CDC42BPB: variants seen among roughly 807,000 people sequenced by gnomAD.
CDC42BPB encodes serine/threonine-protein kinase MRCK beta.
A neutral mutation model predicts 214.9 loss-of-function variants in CDC42BPB; 37 were observed. The observed-to-expected ratio is 0.17, with a 90% CI of 0.13 to 0.23. CDC42BPB has a LOEUF of 0.23. Among genes scored for constraint, CDC42BPB ranks in the 10% least tolerant of loss-of-function variants. CDC42BPB has a pLI of 1.00. For synonymous variants in CDC42BPB, 931 were observed against 884.0 expected (o/e 1.05, Z -0.94); for missense variants, 1,694 against 2,227.0 (o/e 0.76, Z 4.82).
chr14:103,002,133 T>C (rs1483975613), intron 4 of CDC42BPB, among the ~76,000 whole-genome samples: 1 of 152,110 alleles, frequency 6.6e-6, no homozygotes, highest in Non-Finnish European at 1.5e-5. Flanking sequence ...CACGTTTCCA[T>C]ATCGCTATGA....
intron 21 of CDC42BPB, among the ~76,000 whole-genome samples, chr14:102,959,124 C>T (rs370145639): frequency 1.3e-5 from 2 of 151,856 alleles, no homozygotes; most frequent in African/African-American, 2.4e-5. Context: ...TGGTGAAACC[C>T]TGTCTCTACT....
intron 19 of CDC42BPB, 96 bp from the exon 20 acceptor site, chr14:102,963,251 C>G: frequency 6.7e-7 from 1 of 1,494,322 alleles, no homozygotes; most frequent in South Asian, 1.3e-5. Context: ...GGATTTCTCC[C>G]CAGCACTCAG....
intron 1 of CDC42BPB, among the ~76,000 whole-genome samples, chr14:103,023,074 G>A (rs1300338419): frequency 2.0e-5 from 3 of 150,708 alleles, no homozygotes; most frequent in Admixed American, 6.6e-5. Flanking sequence ...GCGTGATCAC[G>A]GCTCACTCCC....
At chr14:102,992,539 A>G (rs1894541896) in intron 5 of CDC42BPB, among the ~76,000 whole-genome samples, 1 of 152,222 alleles carries the variant, frequency 6.6e-6, no homozygotes, top group African/African-American at 2.4e-5. Context: ...CTGCGCTGAC[A>G]GCACAGTGAC....
intron 1 of CDC42BPB, among the ~76,000 whole-genome samples, chr14:103,044,800 C>T (rs982164606): frequency 1.8e-4 from 27 of 151,876 alleles, no homozygotes; most frequent in Admixed American, 5.9e-4. Context: ...CGTGAGCCAC[C>T]GTGCCCGGCC....
chr14:102,999,436 G>T, intron 5 of CDC42BPB, 129 bp downstream of exon 5: 1 of 808,818 alleles, frequency 1.2e-6, no homozygotes. Flanking sequence ...ATCAGTCTGT[G>T]CTGCGGCAGC....
chr14:103,042,862 T>C (rs564648190), intron 1 of CDC42BPB, among the ~76,000 whole-genome samples: 67 of 152,282 alleles, frequency 4.4e-4, no homozygotes, highest in Non-Finnish European at 7.9e-4. Flanking sequence ...GAAAACAACC[T>C]GGCAGTTCCT....
intron 36 of CDC42BPB, among the ~76,000 whole-genome samples, chr14:102,935,764 CAAA>C (rs55833197): frequency 8.0e-5 from 6 of 74,558 alleles, no homozygotes; most frequent in Admixed American, 1.5e-4. Context: ...CACTCTGTCT[CAAA>C]AAAAAAAAAA....
In CDC42BPB at chr14:102,983,754, C is replaced by T. The variant is rs769978580; in HGVS notation, c.693G>A (p.Val231=). 2.5e-6 allele frequency: 4 copies of T among 1,612,266 alleles called. No homozygotes were observed. The highest frequency in any genetic ancestry group is 3.4e-6 in the Non-Finnish European group (4 of 1,179,980). ...SCLKMNDDGT[V]QSSVAVGTPD... Reference sequence around the variant, plus strand: ...GTGTGCCCACGGCCACGGAGGACTGCACCTTAGGGGAGAAGGAGGTGCTGA... The same window carrying T: ...GTGTGCCCACGGCCACGGAGGACTGTACCTTAGGGGAGAAGGAGGTGCTGA... The change falls in exon 7 of 37, where the codon GTG becomes GTA. Residue 231 remains valine, a splice_region_variant and synonymous_variant. Coordinates refer to ENST00000361246, the MANE Select transcript of CDC42BPB (RefSeq NM_006035.4).
At chr14:102,976,764 G>C (rs1893764934) in intron 9 of CDC42BPB, among the ~76,000 whole-genome samples, 1 of 152,208 alleles carries the variant, frequency 6.6e-6, no homozygotes. Flanking sequence ...GTGGTCTGAG[G>C]GTGCTGGGCT....
chr14:102,952,631 G>A, intron 23 of CDC42BPB, 28 bp from the exon 24 acceptor site: 1 of 1,602,444 alleles, frequency 6.2e-7, no homozygotes, highest in South Asian at 1.1e-5. Flanking sequence ...AGAACACTGA[G>A]GTGAACCATG....
rs1895142087 is a variant in CDC42BPB, at chr14:103,004,507, G to A, written c.352-484C>T. On this transcript the variant is annotated intron_variant, in intron 3 of 36. Coordinates refer to ENST00000361246, the MANE Select transcript of CDC42BPB (RefSeq NM_006035.4). This position sits in a 1 kb window ranked among gnomAD's most constrained non-coding sequence, Gnocchi z 5.3. ...GTATAGTGATGACACAATTGTCACA[G>A]ATTCCACTAGGGAGGCCTACAGCCA... 6.6e-6 allele frequency among the ~76,000 whole-genome samples: 1 copy of A among 152,244 alleles called. No homozygotes were observed. The highest frequency in any genetic ancestry group is 6.5e-5 in the Admixed American group (1 of 15,290).
intron 1 of CDC42BPB, among the ~76,000 whole-genome samples, chr14:103,029,271 C>T (rs566834844): frequency 7.9e-5 from 12 of 152,254 alleles, no homozygotes; most frequent in African/African-American, 2.9e-4. Context: ...TAAAGAAATG[C>T]TAAATTACGC....
At chr14:103,019,591 G>A (rs1241793356) in intron 1 of CDC42BPB, among the ~76,000 whole-genome samples, 1 of 152,094 alleles carries the variant, frequency 6.6e-6, no homozygotes, top group Non-Finnish European at 1.5e-5. Flanking sequence ...TGACATTCAC[G>A]AGGAGTCATC....
chr14:102,982,345 G>A (rs1475245235), intron 7 of CDC42BPB, among the ~76,000 whole-genome samples: 1 of 152,178 alleles, frequency 6.6e-6, no homozygotes, highest in African/African-American at 2.4e-5. Flanking sequence ...AGCGAACTGT[G>A]GGAGGCCCTG....
At position 102,949,892 on chromosome 14, in the gene CDC42BPB, T is replaced by C. The variant is rs1892404106; in HGVS notation, c.3322A>G (p.Thr1108Ala). The C allele has an allele frequency of 6.2e-7, 1 of 1,613,348 alleles. No individual in the cohort carries two copies. Among genetic ancestry groups the C allele is most frequent in the African/African-American group, 1.3e-5 (1 of 74,950 alleles). ...YKGHVKVPKP[T>A]GVKKGWQRAY... ...CGCTGCCATCCCTTCTTCACCCCCG[T>C]GGGCTTTGGGACCTATGAATAAAAA... The change falls in exon 26 of 37, where the codon ACG (threonine) becomes GCG (alanine). Residue 1108 changes from threonine to alanine, a missense_variant. Physicochemically the swap from Thr to Ala is moderately conservative, Grantham distance 58. Around this residue, in one of 7 missense-constraint regions of CDC42BPB, gnomAD observed 567 missense variants for 790.3 expected, o/e 0.72. Coordinates refer to ENST00000361246, the MANE Select transcript of CDC42BPB (RefSeq NM_006035.4).
At position 102,938,303 on chromosome 14, in the gene CDC42BPB, T is replaced by C. The variant is rs1285691857; in HGVS notation, c.4933+3A>G. On this transcript the variant is annotated splice_donor_region_variant and intron_variant, in intron 35 of 36. Coordinates refer to ENST00000361246, the MANE Select transcript of CDC42BPB (RefSeq NM_006035.4). ...GGCTGCGGGGGCCAGGCTTCCCCTG[T>C]ACCTGATGAGGGCCACGAGATGTAG... 4 of 1,608,426 alleles carry C rather than the reference T, an allele frequency of 2.5e-6. No homozygotes were observed. The South Asian group carries it at 4.4e-5, about 18-fold the overall frequency.
chr14:103,032,349 A>G (rs1210804708), intron 1 of CDC42BPB, among the ~76,000 whole-genome samples: 1 of 144,900 alleles, frequency 6.9e-6, no homozygotes, highest in Non-Finnish European at 1.5e-5. Context: ...AAATGAAATC[A>G]GAAATGCCTA....
rs1056817534 is a variant in CDC42BPB at position 102,941,035 on chromosome 14, T to C, written c.4409-711A>G. ...CCAAGGACTGCAAAGCCTTTGGCCA[T>C]TTGGAGTTTAAGGGGCTTTCTCCAC... On this transcript the variant is annotated intron_variant, in intron 30 of 36. Coordinates refer to ENST00000361246, the MANE Select transcript of CDC42BPB (RefSeq NM_006035.4). 9.5e-6 allele frequency: 8 copies of C among 841,582 alleles called. No homozygotes were observed. In the East Asian group the frequency reaches 3.7e-4, roughly 39 times the overall value. 52.1% of individuals were successfully genotyped at this position (841,582 alleles called of 1,614,324 possible).
Sources: gnomAD v4.1 joint callset for allele counts (sites outside exome capture counted in the v4.1 genomes callset) on GRCh38, gnomAD v4.1.1 for gene constraint, gnomAD v4.1.1 regional missense constraint, Gnocchi (gnomAD v3.1) non-coding constraint, MANE v1.5 for transcripts, NCBI Gene and HGNC (gene_info 2026-07-23, HGNC 2026-07-21) for gene names.